The following TMEM94 variants were observed in gnomAD, a reference collection of about 807,000 sequenced individuals.
TMEM94 encodes the protein ER Mg2+ ATPase.
In TMEM94, 81 loss-of-function variants were observed where a neutral mutation model predicts 158.6. The ratio of observed to expected loss-of-function variants is 0.51; its 90% CI spans 0.43 to 0.61. The LOEUF (loss-of-function observed/expected upper bound fraction) is 0.61. TMEM94 is among the 20% of genes least tolerant of loss of function. TMEM94 has a pLI of 0.00. For synonymous variants in TMEM94, 751 were observed against 730.7 expected (o/e 1.03, Z -0.45); for missense variants, 1,435 against 1,762.0 (o/e 0.81, Z 3.32).
intron 1 of TMEM94, among the ~76,000 whole-genome samples, chr17:75,461,130 G>C (rs1037830787): frequency 1.2e-5 from 1 of 85,108 alleles, no homozygotes; most frequent in Non-Finnish European, 2.1e-5. Context: ...ACAGAGTTTT[G>C]CTCTATTGCC....
At chr17:75,460,781 G>T (rs1380388529) in intron 1 of TMEM94, among the ~76,000 whole-genome samples, 1 of 152,016 alleles carries the variant, frequency 6.6e-6, no homozygotes, top group African/African-American at 2.4e-5. Context: ...CAAAGTGCTG[G>T]AATTACAGGT....
chr17:75,496,229 C>T lies in TMEM94; in HGVS notation c.3054-53C>T, dbSNP rs538016489. On this transcript the variant is annotated intron_variant, in intron 23 of 31. Transcript: ENST00000314256. ...CATGGTGGGAGAAGAGGGTGGGGTG[C>T]CCAGTCCTGTGGGAGATACAGCTGA... The T allele has an allele frequency of 4.1e-5, 66 of 1,609,626 alleles. No individual in the cohort carries two copies. In the African/African-American group the frequency reaches 7.7e-4, roughly 19 times the overall value.
Position 75,488,050 on chromosome 17 carries a change from C to G in TMEM94, c.528C>G (p.Asn176Lys). The G allele has an allele frequency of 6.2e-7, 1 of 1,614,222 alleles. No individual in the cohort carries two copies. The highest frequency in any genetic ancestry group is 1.3e-5 in the African/African-American group (1 of 75,046). Residue 176 changes from asparagine to lysine, a missense_variant, in exon 6 of 32, where the codon AAC (asparagine) becomes AAG (lysine). Asn to Lys is a moderately conservative substitution (Grantham distance 94, BLOSUM62 0). Coordinates refer to ENST00000314256, the MANE Select transcript of TMEM94 (RefSeq NM_014738.6). Reference protein sequence around the residue: ...HWAYRDGHLVNLPVSLLVEGD... With the variant: ...HWAYRDGHLVKLPVSLLVEGD... ...CCTACAGAGACGGACACCTGGTCAA[C>G]CTGCCAGTCAGCCTGCTGGTTGAAG...
rs934735332 is a variant in TMEM94 at position 75,466,522 on chromosome 17, A to T, written c.-106-5278A>T. Among the ~76,000 whole-genome samples the T allele has an allele frequency of 2.6e-5, 4 of 152,122 alleles. No individual in the cohort carries two copies. In the East Asian group the frequency reaches 7.7e-4, roughly 29 times the overall value. On this transcript the variant is annotated intron_variant, in intron 1 of 31. Coordinates refer to ENST00000314256, the MANE Select transcript of TMEM94 (RefSeq NM_014738.6). ...AGTCCCAGCTGGGACTTTCATTAAC[A>T]TTGTATTGAGAGGCTGGGCATGGTG...
rs780509715 is a variant in TMEM94, at chr17:75,497,858, A to C, written c.3485A>C (p.Lys1162Thr). 1.2e-6 allele frequency: 2 copies of C among 1,613,350 alleles called. No homozygotes were observed. The highest frequency in any genetic ancestry group is 2.7e-5 in the African/African-American group (2 of 74,902). ...ATGKNLQSIPKKTQHYFLLCF... is the reference protein window; with the variant it reads ...ATGKNLQSIPTKTQHYFLLCF... ...GGGAAAAACCTCCAGTCCATTCCCA[A>C]GAAGGTAAGCAAAACAGACCCTGTG... is the stretch of plus-strand genomic sequence containing the variant. The change falls in exon 27 of 32, where the codon AAG (lysine) becomes ACG (threonine). Residue 1162 changes from lysine to threonine, a missense_variant. Lys to Thr is a moderately conservative substitution (Grantham distance 78). Around this residue, in one of 3 missense-constraint regions of TMEM94, gnomAD observed 335 missense variants for 409.1 expected, o/e 0.82. Coordinates refer to ENST00000314256, the MANE Select transcript of TMEM94 (RefSeq NM_014738.6).
chr17:75,498,281 G>A lies in TMEM94; in HGVS notation c.3596G>A (p.Arg1199Gln), dbSNP rs773375273. 32 of 1,613,260 alleles carry A rather than the reference G, an allele frequency of 2.0e-5. No individual in the cohort carries two copies. Among genetic ancestry groups the A allele is most frequent in the East Asian group, 8.9e-5 (4 of 44,900 alleles). Residue 1199 changes from arginine to glutamine, a missense_variant, in exon 28 of 32, where the codon CGG (arginine) becomes CAG (glutamine). Arg to Gln is a conservative substitution (Grantham distance 43). Transcript: ENST00000314256. This position sits in a 1 kb window ranked among gnomAD's most constrained non-coding sequence, Gnocchi z 6.7. ...CTGCAGAGCTTCTGTGACAGCTCCC[G>A]GGACCGCAACCTCACCAACTGCTCC... ...FTLQSFCDSS[R>Q]DRNLTNCSSV...
chr17:75,496,675 G>A, intron 24 of TMEM94, 55 bp from the exon 25 acceptor site: 1 of 1,563,426 alleles, frequency 6.4e-7, no homozygotes, highest in Non-Finnish European at 8.8e-7. Context: ...TCAGCTGTTG[G>A]GCCTGGGAGA....
chr17:75,485,982 G>T lies in TMEM94; in HGVS notation c.256G>T (p.Gly86Ter). ...GCTGCTGCTGCTGGGCTGCTGCGGG[G>T]GACAGCCAGCCGGGAGGTGTGCGCC... ...AVLLLLGCCG[G>*]QPAGSRGVGL... The change falls in exon 4 of 32, where the codon GGA (glycine) becomes TGA (stop). Residue 86 changes from glycine (G) to a stop codon, truncating the protein, a stop_gained. Transcript: ENST00000314256. LOFTEE classifies it high-confidence loss of function. This position sits in a 1 kb window ranked among gnomAD's most constrained non-coding sequence, Gnocchi z 5.5. The T allele has an allele frequency of 6.2e-7, 1 of 1,611,498 alleles. No homozygotes were observed. Among genetic ancestry groups the T allele is most frequent in the East Asian group, 2.2e-5 (1 of 44,834 alleles).
chr17:75,486,473 A>G (rs1567943045), intron 5 of TMEM94, 47 bp downstream of exon 5: 4 of 1,612,582 alleles, frequency 2.5e-6, no homozygotes, highest in East Asian at 2.2e-5. Context: ...GACCGGACAT[A>G]TCAGAGCCCT....
At position 75,500,294 on chromosome 17, in the gene TMEM94, G is replaced by A. The variant is rs1567988979; in HGVS notation, c.*960G>A. On this transcript the variant is annotated 3_prime_UTR_variant, in exon 32 of 32. Coordinates refer to ENST00000314256, the MANE Select transcript of TMEM94 (RefSeq NM_014738.6). ...AATGGTGTTTTCATTGGTGTTAGTT[G>A]GGGGAAGAGGTTAATGGTTACAGAG... 6.6e-6 allele frequency: 1 copy of A among 152,328 alleles called. No homozygotes were observed. The highest frequency in any genetic ancestry group is 2.4e-5 in the African/African-American group (1 of 41,438). The allele number at this position is 152,328 out of a possible 1,614,324, so 9.4% of individuals were successfully genotyped here.
In TMEM94 at chr17:75,488,990, G is replaced by A. The variant is rs143576144; in HGVS notation, c.764+80G>A. 199 of 1,457,348 alleles carry A rather than the reference G, an allele frequency of 1.4e-4. No individual in the cohort carries two copies. The African/African-American group carries it at 2.0e-3, about 14-fold the overall frequency. The allele number at this position is 1,457,348 out of a possible 1,614,324, so 90.3% of individuals were successfully genotyped here. ...ATGGGACTGACAAGGAAGGGGCCCC[G>A]TTCATCTCGAGGTTCTCTTGAGGGC... On this transcript the variant is annotated intron_variant, in intron 7 of 31. Coordinates refer to ENST00000314256, the MANE Select transcript of TMEM94 (RefSeq NM_014738.6).
chr17:75,486,036 G>A (rs770887360), intron 4 of TMEM94, 38 bp downstream of exon 4: 2 of 1,572,718 alleles, frequency 1.3e-6, no homozygotes, highest in African/African-American at 1.3e-5. Flanking sequence ...CTCTCCAGCT[G>A]TGCTGTCCAT....
At chr17:75,496,955 C>T in intron 25 of TMEM94, 148 bp downstream of exon 25, 1 of 1,051,380 alleles carries the variant, frequency 9.5e-7, no homozygotes, top group Non-Finnish European at 1.4e-6. Context: ...GCTTTTTGAG[C>T]TGACCCTCAT....
At chr17:75,459,014 G>C (rs1484526236) in intron 1 of TMEM94, among the ~76,000 whole-genome samples, 2 of 149,050 alleles carry the variant, frequency 1.3e-5, no homozygotes, top group African/African-American at 2.5e-5. Flanking sequence ...CCGAGATCGC[G>C]CCACTGCACT....
At position 75,499,585 on chromosome 17, in the gene TMEM94, A is replaced by C. The variant is rs2053106698; in HGVS notation, c.*251A>C. On this transcript the variant is annotated 3_prime_UTR_variant, in exon 32 of 32. Coordinates refer to ENST00000314256, the MANE Select transcript of TMEM94 (RefSeq NM_014738.6). ...CCTCACCAGGGACACTCTTGAATGT[A>C]TGGCCTCAGGCGCTCCCTAGAGGGG... is the stretch of plus-strand genomic sequence containing the variant. The C allele has an allele frequency of 5.1e-5, 28 of 551,612 alleles. No individual in the cohort carries two copies. The highest frequency in any genetic ancestry group is 4.9e-4 in the Middle Eastern group (1 of 2,060). The allele number at this position is 551,612 out of a possible 1,614,324, so 34.2% of individuals were successfully genotyped here.
intron 1 of TMEM94, among the ~76,000 whole-genome samples, chr17:75,458,090 G>A (rs189697380): frequency 1.1e-3 from 171 of 152,262 alleles, no homozygotes; most frequent in Middle Eastern, 3.4e-3. Flanking sequence ...TATTGGGGGC[G>A]TAAATTATTT....
chr17:75,479,108 G>C (rs989904170), intron 2 of TMEM94, among the ~76,000 whole-genome samples: 1 of 152,142 alleles, frequency 6.6e-6, no homozygotes, highest in African/African-American at 2.4e-5. Context: ...AACCCATTCT[G>C]AACTTCCTTC....
intron 31 of TMEM94, 46 bp downstream of exon 31, chr17:75,499,128 C>G (rs200422875): frequency 6.8e-5 from 107 of 1,580,590 alleles, no homozygotes; most frequent in Non-Finnish European, 9.0e-5. Flanking sequence ...GGCATGTTCC[C>G]TAAACCTGTT....
At chr17:75,465,392 T>C (rs2050265355) in intron 1 of TMEM94, among the ~76,000 whole-genome samples, 1 of 152,006 alleles carries the variant, frequency 6.6e-6, no homozygotes, top group Admixed American at 6.6e-5. Context: ...ACTGTTTATA[T>C]ATCTTGTGAA....
Sources: gnomAD v4.1 joint callset for allele counts (sites outside exome capture counted in the v4.1 genomes callset) on GRCh38, gnomAD v4.1.1 for gene constraint, gnomAD v4.1.1 regional missense constraint, Gnocchi (gnomAD v3.1) non-coding constraint, MANE v1.5 for transcripts, NCBI Gene and HGNC (gene_info 2026-07-23, HGNC 2026-07-21) for gene names.